The following ADSS2 variants were observed in gnomAD, a reference collection of about 807,000 sequenced individuals.
ADSS2 encodes adenylosuccinate synthase 2.
ADSS2 carries 30 observed loss-of-function variants against 60.0 expected under a neutral mutation model. The ratio of observed to expected loss-of-function variants is 0.50; its 90% CI spans 0.37 to 0.68. The LOEUF (loss-of-function observed/expected upper bound fraction) is 0.68. Ranked by LOEUF, ADSS2 falls within the 30% of genes least tolerant of loss-of-function variation. ADSS2 has a pLI of 0.00. For synonymous variants in ADSS2, 187 were observed against 193.1 expected, an observed-to-expected ratio of 0.97 and a Z score of 0.26; for missense variants, 373 against 554.8, an observed-to-expected ratio of 0.67 and a Z score of 3.29.
intron 10 of ADSS2, 119 bp downstream of exon 10, chr1:244,417,509 C>T: frequency 7.8e-7 from 1 of 1,276,868 alleles, no homozygotes; most frequent in Non-Finnish European, 1.1e-6. Context: ...CCTGGCACTA[C>T]AATTTCAATA....
intron 10 of ADSS2, among the ~76,000 whole-genome samples, chr1:244,416,896 A>G (rs1664546519): frequency 6.6e-6 from 1 of 152,220 alleles, no homozygotes; most frequent in Non-Finnish European, 1.5e-5. Flanking sequence ...CTGACTGGAA[A>G]ACAGGTTTTA....
At chr1:244,415,374 A>C (rs1572129032) in intron 11 of ADSS2, among the ~76,000 whole-genome samples, 2 of 152,254 alleles carry the variant, frequency 1.3e-5, no homozygotes, top group African/African-American at 4.8e-5. Flanking sequence ...ATGTAAGACA[A>C]GGAAAGATAA....
chr1:244,424,654 T>C, intron 4 of ADSS2: 1 of 279,094 alleles, frequency 3.6e-6, no homozygotes. Flanking sequence ...CATCTTGCCC[T>C]AAAATTTAAC....
chr1:244,413,673 A>G (rs1397904069), intron 11 of ADSS2, among the ~76,000 whole-genome samples: 2 of 152,300 alleles, frequency 1.3e-5, no homozygotes, highest in South Asian at 2.1e-4. Context: ...GAGAGTCCCA[A>G]GGCTACAGGA....
chr1:244,436,613 A>G (rs1315197141), intron 3 of ADSS2, among the ~76,000 whole-genome samples: 1 of 152,244 alleles, frequency 6.6e-6, no homozygotes, highest in African/African-American at 2.4e-5. Context: ...AATGTGTAAA[A>G]AAATCAGGAC....
At chr1:244,444,554 A>G (rs995556996) in intron 1 of ADSS2, among the ~76,000 whole-genome samples, 25 of 148,548 alleles carry the variant, frequency 1.7e-4, no homozygotes, top group Non-Finnish European at 3.3e-4. Context: ...TACAAAGAAA[A>G]TATTAAATAA....
intron 12 of ADSS2, among the ~76,000 whole-genome samples, chr1:244,409,993 G>T (rs1319755980): frequency 2.0e-5 from 3 of 152,138 alleles, no homozygotes. Context: ...ATCTAGATGA[G>T]AATATGATTT....
At chr1:244,419,040 C>G (rs900569567) in intron 8 of ADSS2, 126 bp from the exon 9 acceptor site, 1 of 859,434 alleles carries the variant, frequency 1.2e-6, no homozygotes, top group Non-Finnish European at 1.7e-6. Flanking sequence ...CTGTAACTGC[C>G]CTCTCAAAGA....
chr1:244,422,179 T>C (rs1664689971), intron 7 of ADSS2, among the ~76,000 whole-genome samples: 1 of 152,196 alleles, frequency 6.6e-6, no homozygotes, highest in Admixed American at 6.5e-5. Context: ...TGTAGATTCC[T>C]ACTTAGTTCT....
At chr1:244,452,017 T>G, upstream of ADSS2, 2 of 455,750 alleles carry the variant, frequency 4.4e-6, no homozygotes, top group Middle Eastern at 6.3e-4. Flanking sequence ...GTACCATGAC[T>G]GCCCCGCGCA....
intron 8 of ADSS2, among the ~76,000 whole-genome samples, chr1:244,419,519 CA>C (rs1479656363): frequency 1.3e-5 from 2 of 152,156 alleles, no homozygotes; most frequent in Non-Finnish European, 2.9e-5. Flanking sequence ...ATCAAAAATA[CA>C]TATCTACCAT....
At chr1:244,420,912 G>A (rs1664659424) in intron 7 of ADSS2, among the ~76,000 whole-genome samples, 1 of 151,816 alleles carries the variant, frequency 6.6e-6, no homozygotes, top group Non-Finnish European at 1.5e-5. Context: ...GGTTGCCCAG[G>A]CTGTTCTCAA....
Position 244,423,988 on chromosome 1 carries a change from G to A in ADSS2, c.546C>T (p.Cys182=), listed in dbSNP as rs201478770. The A allele has an allele frequency of 3.3e-5, 54 of 1,612,996 alleles. No individual in the cohort carries two copies. The highest frequency in any genetic ancestry group is 2.3e-4 in the Admixed American group (14 of 59,790). The change falls in exon 6 of 13, where the codon TGC becomes TGT. Residue 182 remains cysteine (C), a synonymous_variant. Coordinates refer to ENST00000366535, the MANE Select transcript of ADSS2 (RefSeq NM_001126.5). ...AGCCATCAAAGTCAGAAACAAGGTC[G>A]CACATCCTGAGTCCACTCCGAGCAG... is the stretch of plus-strand genomic sequence containing the variant. The part of the protein sequence containing the change: ...SKAARSGLRM[C]DLVSDFDGFS...
chr1:244,434,300 C>T (rs1457411117), intron 3 of ADSS2, among the ~76,000 whole-genome samples: 3 of 151,748 alleles, frequency 2.0e-5, no homozygotes, highest in Non-Finnish European at 4.4e-5. Flanking sequence ...AGGCTCACTA[C>T]TGTGTTCACA....
chr1:244,409,351 T>G lies in ADSS2; in HGVS notation c.*235A>C. On this transcript the variant is annotated 3_prime_UTR_variant, in exon 13 of 13. Coordinates refer to ENST00000366535, the MANE Select transcript of ADSS2 (RefSeq NM_001126.5). ...CATTGAAAAAAAAAACGTGGCACCATGAGAGCAGCAGGAGCAACAAATGAT... is the reference window on the plus strand; with the variant it reads ...CATTGAAAAAAAAAACGTGGCACCAGGAGAGCAGCAGGAGCAACAAATGAT... 2 of 381,172 alleles carry G rather than the reference T, an allele frequency of 5.2e-6. No homozygotes were observed. Among genetic ancestry groups the G allele is most frequent in the Non-Finnish European group, 9.3e-6 (2 of 214,614 alleles). The allele number at this position is 381,172 out of a possible 1,614,324, so 23.6% of individuals were successfully genotyped here. A position where few individuals can be genotyped will look rare whatever the true frequency, so the allele number is the denominator to read the frequency against.
chr1:244,408,690 G>T lies in ADSS2; in HGVS notation c.*896C>A, dbSNP rs775108524. On this transcript the variant is annotated 3_prime_UTR_variant, in exon 13 of 13. Transcript: ENST00000366535. ...CATAATCAAAATTATGGCTAACAACGTGGGTTCATTTTGACACTTACAGAT... is the reference window on the plus strand; with the variant it reads ...CATAATCAAAATTATGGCTAACAACTTGGGTTCATTTTGACACTTACAGAT... The T allele has an allele frequency of 6.6e-6, 1 of 151,562 alleles. No individual in the cohort carries two copies. Among genetic ancestry groups the T allele is most frequent in the Admixed American group, 6.6e-5 (1 of 15,174 alleles). 9.4% of individuals were successfully genotyped at this position (151,562 alleles called of 1,614,324 possible). A position where few individuals can be genotyped will look rare whatever the true frequency, so the allele number is the denominator to read the frequency against.
chr1:244,428,900 C>T (rs894444520), intron 4 of ADSS2, among the ~76,000 whole-genome samples: 4 of 152,068 alleles, frequency 2.6e-5, no homozygotes, highest in African/African-American at 9.7e-5. Flanking sequence ...TCATGGAATT[C>T]ATAAAAACTT....
chr1:244,409,667 G>C (rs1572125406), intron 12 of ADSS2, 29 bp from the exon 13 acceptor site: 2 of 1,542,648 alleles, frequency 1.3e-6, no homozygotes, highest in Non-Finnish European at 1.8e-6. Flanking sequence ...AAAAGGAATT[G>C]AATCAATTCA....
In ADSS2 at chr1:244,409,007, A is replaced by AC. The variant is rs1664348241; in HGVS notation, c.*578dup. The AC allele has an allele frequency of 6.6e-6, 1 of 152,558 alleles. No individual in the cohort carries two copies. Among genetic ancestry groups the AC allele is most frequent in the Admixed American group, 6.6e-5 (1 of 15,256 alleles). The allele number at this position is 152,558 out of a possible 1,614,324, so 9.5% of individuals were successfully genotyped here. On this transcript the variant is annotated 3_prime_UTR_variant, in exon 13 of 13. Coordinates refer to ENST00000366535, the MANE Select transcript of ADSS2 (RefSeq NM_001126.5). The stretch of plus-strand genomic sequence containing the variant: ...AAATTAAAGGTCCCATGAATACATA[A>AC]CCCCCTCCCAGCCCCACCAAAGCTC...
Sources: gnomAD v4.1 joint callset for allele counts (sites outside exome capture counted in the v4.1 genomes callset) on GRCh38, gnomAD v4.1.1 for gene constraint, MANE v1.5 for transcripts, NCBI Gene and HGNC (gene_info 2026-07-23, HGNC 2026-07-21) for gene names.